Variants in LARGE1 observed in about 807,000 individuals in gnomAD.
The protein encoded by LARGE1 is xylosyl- and glucuronyltransferase LARGE1.
In LARGE1, 43 loss-of-function variants were observed where a neutral mutation model predicts 87.6. That is an observed-to-expected ratio of 0.49 (90% CI 0.38 to 0.63). The LOEUF is 0.63. LARGE1 is among the 30% of genes least tolerant of loss of function. LARGE1 has a pLI of 0.00. For missense variants in LARGE1, 802 were observed against 1,000.2 expected (o/e 0.80, Z 2.67); for synonymous variants, 434 against 394.6 (o/e 1.10, Z -1.18).
At chr22:33,099,696 G>A in the LARGE1 span, among the ~76,000 whole-genome samples, 2 of 152,154 alleles carry the variant, frequency 1.3e-5, no homozygotes, top group African/African-American at 4.8e-5. Context: ...CTTGAAGTTG[G>A]CATTAAATAT....
intron 7 of LARGE1, among the ~76,000 whole-genome samples, chr22:33,395,022 T>G (rs146008378): frequency 6.6e-6 from 1 of 151,804 alleles, no homozygotes; most frequent in Non-Finnish European, 1.5e-5. Context: ...GTCAGGAGAT[T>G]GAGACCATCC....
chr22:33,906,476 C>G (rs1438173499), intron 1 of LARGE1, among the ~76,000 whole-genome samples: 2 of 152,172 alleles, frequency 1.3e-5, no homozygotes, highest in African/African-American at 4.8e-5. Flanking sequence ...AGCAAATAAC[C>G]TCTCCAAGCC....
At chr22:33,472,869 T>C (rs904821803) in intron 6 of LARGE1, among the ~76,000 whole-genome samples, 3 of 152,234 alleles carry the variant, frequency 2.0e-5, no homozygotes, top group African/African-American at 7.2e-5. Context: ...GCAGTGCTGC[T>C]GGCAGCATCT....
chr22:33,209,251 A>C (rs946351946), intron 11 of LARGE1, among the ~76,000 whole-genome samples: 1 of 152,202 alleles, frequency 6.6e-6, no homozygotes, highest in African/African-American at 2.4e-5. Context: ...TCATTGCTTA[A>C]CTTTCTTTCT....
chr22:33,185,274 A>G (rs909926114), intron 11 of LARGE1, among the ~76,000 whole-genome samples: 1 of 152,204 alleles, frequency 6.6e-6, no homozygotes, highest in Non-Finnish European at 1.5e-5. Context: ...ATTTAAGTGC[A>G]TATTGCTAAG....
At chr22:33,807,480 T>A (rs2146134266) in intron 1 of LARGE1, among the ~76,000 whole-genome samples, 1 of 152,180 alleles carries the variant, frequency 6.6e-6, no homozygotes, top group East Asian at 1.9e-4. Context: ...ACATACCCCA[T>A]CAGAGTGGTA....
the LARGE1 span, among the ~76,000 whole-genome samples, chr22:33,124,386 G>GGAAGGA: frequency 1.8e-3 from 111 of 61,366 alleles, no homozygotes; most frequent in Non-Finnish European, 2.7e-3. Context: ...GGAAGGAAGG[G>GGAAGGA]AGGAAGGAAA....
chr22:33,626,872 C>T (rs9609850), intron 3 of LARGE1, among the ~76,000 whole-genome samples: 18,823 of 152,232 alleles, frequency 0.12, 1,613 homozygotes, highest in African/African-American at 0.25. Flanking sequence ...CCCAAGGGGT[C>T]ATCTCAACTA....
intron 6 of LARGE1, among the ~76,000 whole-genome samples, chr22:33,482,530 C>T (rs1298533203): frequency 6.6e-6 from 1 of 152,098 alleles, no homozygotes; most frequent in Non-Finnish European, 1.5e-5. Flanking sequence ...GAGCATCACA[C>T]ACTGGGGCCT....
At chr22:33,078,956 C>T in the LARGE1 span, among the ~76,000 whole-genome samples, 1 of 152,292 alleles carries the variant, frequency 6.6e-6, no homozygotes, top group African/African-American at 2.4e-5. Context: ...AACTACGTAA[C>T]ACCTTAAACA....
chr22:33,096,560 GTTTTTGTTTTT>G, the LARGE1 span, among the ~76,000 whole-genome samples: 2 of 127,532 alleles, frequency 1.6e-5, no homozygotes, highest in Admixed American at 8.4e-5. Flanking sequence ...GTTTGTTTTT[GTTTTTGTTTTT>G]TTTTTTTTTT....
At chr22:33,821,400 T>C (rs184377906) in intron 1 of LARGE1, among the ~76,000 whole-genome samples, 19 of 152,172 alleles carry the variant, frequency 1.2e-4, no homozygotes, top group African/African-American at 4.6e-4. Context: ...TACCTCCCCA[T>C]CCTGAAATGA....
At position 33,492,880 on chromosome 22, in the gene LARGE1, AG is replaced by A. The variant is rs554638984; in HGVS notation, c.788-60616del. On this transcript the variant is annotated intron_variant, in intron 6 of 14. Transcript: ENST00000397394. Reference sequence around the variant, plus strand: ...TATCTGATAAAAGCTGAATCTCCACAGGGAGGGAGGAGGGAAATGCGGGCGG... The same window carrying A: ...TATCTGATAAAAGCTGAATCTCCACAGGAGGGAGGAGGGAAATGCGGGCGG... Among the ~76,000 whole-genome samples the A allele has an allele frequency of 1.6e-4, 24 of 152,252 alleles. 1 individual carries two copies. The South Asian group carries it at 2.1e-3, about 13-fold the overall frequency.
intron 6 of LARGE1, among the ~76,000 whole-genome samples, chr22:33,523,066 G>A (rs193082845): frequency 5.1e-4 from 78 of 151,926 alleles, no homozygotes; most frequent in East Asian, 3.1e-3. Context: ...GTTCAATGGC[G>A]CGATCTCGGC....
At chr22:33,185,390 A>G (rs888151763) in intron 11 of LARGE1, among the ~76,000 whole-genome samples, 3 of 152,174 alleles carry the variant, frequency 2.0e-5, no homozygotes, top group Non-Finnish European at 4.4e-5. Context: ...GTGTTTGCCA[A>G]GGATTAAGGT....
chr22:33,318,857 T>C (rs566698233), intron 10 of LARGE1, among the ~76,000 whole-genome samples: 1 of 152,264 alleles, frequency 6.6e-6, no homozygotes, highest in East Asian at 1.9e-4. Context: ...AAAGTTTACA[T>C]GGCAAGGGTT....
At chr22:33,757,842 C>G (rs1183920499) in intron 2 of LARGE1, among the ~76,000 whole-genome samples, 1 of 152,148 alleles carries the variant, frequency 6.6e-6, no homozygotes, top group African/African-American at 2.4e-5. Flanking sequence ...TCTGCGGGCC[C>G]TTTGGGAAAT....
At chr22:33,886,691 G>C (rs1278860422) in intron 1 of LARGE1, among the ~76,000 whole-genome samples, 4 of 149,774 alleles carry the variant, frequency 2.7e-5, no homozygotes, top group African/African-American at 9.8e-5. Flanking sequence ...AAAAGGAAGG[G>C]AGGGAGGGAA....
chr22:33,867,446 T>C (rs2064138615), intron 1 of LARGE1, among the ~76,000 whole-genome samples: 1 of 151,796 alleles, frequency 6.6e-6, no homozygotes, highest in African/African-American at 2.4e-5. Flanking sequence ...AAGAGGGAGG[T>C]GTCCCACTGC....
Sources: gnomAD v4.1 joint callset for allele counts (sites outside exome capture counted in the v4.1 genomes callset) on GRCh38, gnomAD v4.1.1 for gene constraint, MANE v1.5 for transcripts, NCBI Gene and HGNC (gene_info 2026-07-23, HGNC 2026-07-21) for gene names.